The following GLIS3 variants were observed in gnomAD, a reference collection of about 807,000 sequenced individuals.
GLIS3 encodes the protein zinc finger protein GLIS3.
GLIS3 carries 53 observed loss-of-function variants against 78.6 expected under a neutral mutation model. That is an observed-to-expected ratio of 0.67 (90% confidence interval 0.54 to 0.85). The LOEUF (loss-of-function observed/expected upper bound fraction) is 0.85. Ranked by LOEUF, GLIS3 falls within the 40% of genes least tolerant of loss-of-function variation. The pLI, the probability that GLIS3 is intolerant of heterozygous loss-of-function variation, is 0.00. For synonymous variants in GLIS3, 684 were observed against 509.9 expected (o/e 1.34, Z -4.60); for missense variants, 1,703 against 1,231.1 (o/e 1.38, Z -5.74).
chr9:4,458,276 G>T, the GLIS3 span, among the ~76,000 whole-genome samples: 193 of 152,286 alleles, frequency 1.3e-3, no homozygotes, highest in Middle Eastern at 3.4e-3. Context: ...CCAACTGCAT[G>T]GCATGCATTG....
At chr9:3,867,044 T>A (rs929996656) in intron 8 of GLIS3, among the ~76,000 whole-genome samples, 2 of 152,168 alleles carry the variant, frequency 1.3e-5, no homozygotes, top group Admixed American at 1.3e-4. Flanking sequence ...GAATTAGATG[T>A]GAGAGTGTTT....
chr9:3,907,605 A>ACACAC (rs1823802742), intron 6 of GLIS3, among the ~76,000 whole-genome samples: 18 of 92,302 alleles, frequency 2.0e-4, no homozygotes, highest in East Asian at 6.1e-4. Context: ...CCACCCCCCA[A>ACACAC]ACACACACAC....
At chr9:4,378,595 A>T in the GLIS3 span, among the ~76,000 whole-genome samples, 31 of 152,272 alleles carry the variant, frequency 2.0e-4, no homozygotes, top group Admixed American at 1.9e-3. Flanking sequence ...AAATAGGTAC[A>T]ATAACTATAT....
chr9:4,392,125 G>C, the GLIS3 span, among the ~76,000 whole-genome samples: 2 of 151,920 alleles, frequency 1.3e-5, no homozygotes, highest in Non-Finnish European at 1.5e-5. Flanking sequence ...AAAGCAATTA[G>C]CTTCAGCAAA....
At chr9:4,255,270 A>C (rs561893441) in intron 2 of GLIS3, among the ~76,000 whole-genome samples, 16 of 152,370 alleles carry the variant, frequency 1.1e-4, no homozygotes, top group South Asian at 4.1e-4. Context: ...GTGGGTATGC[A>C]AAATGGTACA....
chr9:4,007,527 T>C (rs1359933201), intron 4 of GLIS3, among the ~76,000 whole-genome samples: 1 of 152,114 alleles, frequency 6.6e-6, no homozygotes, highest in Non-Finnish European at 1.5e-5. Context: ...AATATGGTAC[T>C]AACCATCTCA....
intron 2 of GLIS3, among the ~76,000 whole-genome samples, chr9:4,279,314 A>AAAT (rs1425536070): frequency 1.2e-5 from 1 of 82,646 alleles, no homozygotes; most frequent in East Asian, 3.7e-4. Flanking sequence ...AAAAAAAAAA[A>AAAT]ATATATATAT....
the GLIS3 span, among the ~76,000 whole-genome samples, chr9:4,414,250 T>A: frequency 6.6e-6 from 1 of 152,206 alleles, no homozygotes; most frequent in Non-Finnish European, 1.5e-5. Flanking sequence ...AGATTTTAGA[T>A]TAGATAATCC....
At chr9:4,446,043 A>G in the GLIS3 span, among the ~76,000 whole-genome samples, 4 of 152,170 alleles carry the variant, frequency 2.6e-5, no homozygotes, top group Admixed American at 1.3e-4. Flanking sequence ...TTATATTTCA[A>G]TTTTCAAGAT....
intron 4 of GLIS3, among the ~76,000 whole-genome samples, chr9:4,020,660 A>G (rs983329811): frequency 1.3e-5 from 2 of 152,234 alleles, no homozygotes; most frequent in African/African-American, 2.4e-5. Flanking sequence ...CAGATTTTGC[A>G]GTAAAAGCCT....
intron 2 of GLIS3, among the ~76,000 whole-genome samples, chr9:4,251,760 G>A (rs1429051857): frequency 6.6e-6 from 1 of 152,114 alleles, no homozygotes; most frequent in Non-Finnish European, 1.5e-5. Context: ...TCCTTTCCAT[G>A]TTTAGTGCTT....
intron 2 of GLIS3, among the ~76,000 whole-genome samples, chr9:4,318,494 A>G (rs1410734523): frequency 6.6e-6 from 1 of 152,210 alleles, no homozygotes; most frequent in Non-Finnish European, 1.5e-5. Context: ...TATAAGGGGC[A>G]GTGTCAAAAT....
At chr9:4,188,928 T>C (rs1030833312) in intron 2 of GLIS3, among the ~76,000 whole-genome samples, 4 of 152,334 alleles carry the variant, frequency 2.6e-5, no homozygotes, top group Admixed American at 2.6e-4. Flanking sequence ...TCAATTTTGT[T>C]GATCCTTTCA....
At chr9:4,138,922 G>T (rs1833604666) in intron 2 of GLIS3, among the ~76,000 whole-genome samples, 10 of 152,166 alleles carry the variant, frequency 6.6e-5, no homozygotes, top group Admixed American at 6.5e-4. Context: ...TTGCAAGCAT[G>T]GGTATGTTGT....
At chr9:3,863,283 A>G (rs1820346683) in intron 8 of GLIS3, among the ~76,000 whole-genome samples, 1 of 152,234 alleles carries the variant, frequency 6.6e-6, no homozygotes, top group Non-Finnish European at 1.5e-5. Flanking sequence ...ACTTGGACTC[A>G]GTTCAATCCA....
chr9:3,854,639 C>A (rs1819644416), intron 9 of GLIS3, among the ~76,000 whole-genome samples: 1 of 151,814 alleles, frequency 6.6e-6, no homozygotes, highest in Non-Finnish European at 1.5e-5. Context: ...CGGGTTCATG[C>A]TATTCTCCTG....
At chr9:4,302,273 T>A (rs1024148228), upstream of GLIS3, among the ~76,000 whole-genome samples, 1 of 152,142 alleles carries the variant, frequency 6.6e-6, no homozygotes, top group East Asian at 1.9e-4. Context: ...GCCAGATAGG[T>A]GGGAACTGCA....
intron 6 of GLIS3, among the ~76,000 whole-genome samples, chr9:3,907,860 C>T (rs1202406002): frequency 3.3e-5 from 5 of 152,086 alleles, no homozygotes; most frequent in African/African-American, 1.2e-4. Flanking sequence ...TCACAGTGGG[C>T]TTGTGGGGAA....
rs758580169 is a variant in GLIS3 at position 3,879,489 on chromosome 9, C to T, written c.2235G>A (p.Gly745=). ...SHPSPGHNVQ[G]SPHNPSSQLP... is the part of the protein sequence containing the mutation. ...ACTGGGAGGAGGGGTTGTGAGGGCT[C>T]CCCTGTACATTATGTCCTGGAGAAG... is the stretch of plus-strand genomic sequence containing the variant. Residue 745 remains glycine (G), a synonymous_variant, in exon 8 of 11, where the codon GGG becomes GGA. Transcript: ENST00000381971. 1.9e-6 allele frequency: 3 copies of T among 1,614,032 alleles called. No homozygotes were observed. The South Asian group carries it at 3.3e-5, about 18-fold the overall frequency.
Sources: allele counts gnomAD v4.1 joint callset (sites outside exome capture counted in the v4.1 genomes callset), GRCh38; gene constraint gnomAD v4.1.1; transcripts MANE v1.5; gene names NCBI Gene and HGNC (gene_info 2026-07-23, HGNC 2026-07-21).